SLC12A6: variants seen among roughly 807,000 people sequenced by gnomAD.
SLC12A6 encodes K-Cl cotransporter 3.
Under a neutral mutation model 135.3 loss-of-function variants are expected in SLC12A6, and 66 were observed. The observed-to-expected ratio is 0.49, with a 90% CI of 0.40 to 0.60. The LOEUF is 0.60. Ranked by LOEUF, SLC12A6 falls within the 20% of genes least tolerant of loss-of-function variation. The probability of loss-of-function intolerance (pLI) is 0.00; values close to 1 mark genes in which losing one functional copy is unlikely to be tolerated. For synonymous variants in SLC12A6, 513 were observed against 508.8 expected, an observed-to-expected ratio of 1.01 and a Z score of -0.11; for missense variants, 1,058 against 1,452.3, an observed-to-expected ratio of 0.73 and a Z score of 4.41.
At chr15:34,332,742 C>G (rs1184228941) in intron 2 of SLC12A6, among the ~76,000 whole-genome samples, 1 of 150,740 alleles carries the variant, frequency 6.6e-6, no homozygotes, top group African/African-American at 2.4e-5. Context: ...GAGATAGCGC[C>G]ACTGCACTCC....
In SLC12A6 at chr15:34,230,498, G is replaced by A. The variant is rs1041398130; in HGVS notation, c.*3383C>T. On this transcript the variant is annotated 3_prime_UTR_variant, in exon 26 of 26. Coordinates refer to ENST00000354181, the MANE Select transcript of SLC12A6 (RefSeq NM_001365088.1). ...TGGCACCTGTCAAGCAGATGCTGCA[G>A]TTCAAACTTCAGCTTTTAAGATAGA... 1 of 152,584 alleles carries A rather than the reference G, an allele frequency of 6.6e-6. No individual in the cohort carries two copies. Among genetic ancestry groups the A allele is most frequent in the African/African-American group, 2.4e-5 (1 of 41,402 alleles). 9.5% of individuals were successfully genotyped at this position (152,584 alleles called of 1,614,324 possible).
In SLC12A6 at chr15:34,233,746, C is replaced by T. The variant is rs530201839; in HGVS notation, c.*135G>A. ...TTTTACACAGGTACTTGAGGCTCAG[C>T]TCATCAAGAGTTCAGTATGATGTGT... On this transcript the variant is annotated 3_prime_UTR_variant, in exon 26 of 26. Coordinates refer to ENST00000354181, the MANE Select transcript of SLC12A6 (RefSeq NM_001365088.1). 2.7e-5 allele frequency: 19 copies of T among 704,312 alleles called. No individual in the cohort carries two copies. Among genetic ancestry groups the T allele is most frequent in the South Asian group, 2.5e-4 (17 of 66,810 alleles). 43.6% of individuals were successfully genotyped at this position (704,312 alleles called of 1,614,324 possible).
intron 2 of SLC12A6, among the ~76,000 whole-genome samples, chr15:34,303,366 T>C (rs1181464555): frequency 6.6e-6 from 1 of 152,218 alleles, no homozygotes; most frequent in Non-Finnish European, 1.5e-5. Context: ...TTGTTTTTAG[T>C]GTGTATACTT....
intron 2 of SLC12A6, among the ~76,000 whole-genome samples, chr15:34,330,073 A>G (rs144636408): frequency 6.6e-6 from 1 of 152,288 alleles, no homozygotes; most frequent in African/African-American, 2.4e-5. Context: ...TATTAATATC[A>G]TGTACATGTT....
intron 2 of SLC12A6, among the ~76,000 whole-genome samples, chr15:34,328,864 C>T (rs986913521): frequency 7.9e-5 from 12 of 152,124 alleles, no homozygotes; most frequent in Non-Finnish European, 1.5e-5. Context: ...ACTGCCTACC[C>T]AAGTCCAGCC....
rs1456663968 is a variant in SLC12A6 at position 34,233,537 on chromosome 15, T to C, written c.*344A>G. 3.3e-6 allele frequency: 1 copy of C among 298,772 alleles called. No homozygotes were observed. Among genetic ancestry groups the C allele is most frequent in the Non-Finnish European group, 6.6e-6 (1 of 152,576 alleles). 18.5% of individuals were successfully genotyped at this position (298,772 alleles called of 1,614,324 possible). On this transcript the variant is annotated 3_prime_UTR_variant, in exon 26 of 26. Coordinates refer to ENST00000354181, the MANE Select transcript of SLC12A6 (RefSeq NM_001365088.1). ...TTCATCTTTAATGCTGAATACGTAC[T>C]TGACTTGCTTTTTTTCTTCAGTTGA... is the stretch of plus-strand genomic sequence containing the variant.
At position 34,327,953 on chromosome 15, in the gene SLC12A6, A is replaced by G. The variant is rs551093717; in HGVS notation, c.271+8457T>C. On this transcript the variant is annotated intron_variant, in intron 2 of 25. Transcript: ENST00000354181. ...AAATGGTTATGACTATAAACAGGTG[A>G]ATGTCATCAATTGAGTTTTTTGCTC... Among the ~76,000 whole-genome samples, 8 of 152,340 alleles carry G rather than the reference A, an allele frequency of 5.3e-5. No homozygotes were observed. In the South Asian group the frequency reaches 1.7e-3, roughly 32 times the overall value.
chr15:34,319,750 G>C (rs886299446), intron 2 of SLC12A6, among the ~76,000 whole-genome samples: 6 of 151,472 alleles, frequency 4.0e-5, no homozygotes, highest in Admixed American at 2.6e-4. Context: ...AGTGAGCAGA[G>C]ATTGCGCCAC....
At chr15:34,292,232 AACAG>A (rs1295723969) in intron 2 of SLC12A6, among the ~76,000 whole-genome samples, 3 of 152,250 alleles carry the variant, frequency 2.0e-5, no homozygotes, top group Non-Finnish European at 4.4e-5. Flanking sequence ...TTTTCCTTCT[AACAG>A]ACAGGCCACT....
chr15:34,289,218 C>G (rs1223896148), intron 2 of SLC12A6, among the ~76,000 whole-genome samples: 1 of 152,070 alleles, frequency 6.6e-6, no homozygotes, highest in African/African-American at 2.4e-5. Flanking sequence ...TTGTTGAAGG[C>G]CTTTTCTGCA....
In SLC12A6 at chr15:34,255,289, G is replaced by T; in HGVS notation, c.849C>A (p.Tyr283Ter). ...GAAAGATTTCAATGGCACCAAGGATGTACATGGCTGCTGCAAATGTGGTAC... is the reference window on the plus strand; with the variant it reads ...GAAAGATTTCAATGGCACCAAGGATTTACATGGCTGCTGCAAATGTGGTAC... The part of the protein sequence containing the change: ...YLGTTFAAAM[Y>*]ILGAIEIFLV... The change falls in exon 8 of 26, where the codon TAC (tyrosine) becomes TAA (stop). Residue 283 changes from tyrosine to a stop codon, truncating the protein, a stop_gained. Coordinates refer to ENST00000354181, the MANE Select transcript of SLC12A6 (RefSeq NM_001365088.1). LOFTEE classifies it high-confidence loss of function. 6.2e-7 allele frequency: 1 copy of T among 1,610,130 alleles called. No homozygotes were observed.
chr15:34,254,352 A>G lies in SLC12A6; in HGVS notation c.1114T>C (p.Phe372Leu). Reference protein sequence around the residue: ...AIKSSFAPPHFPVCMLGNRTL... With the variant: ...AIKSSFAPPHLPVCMLGNRTL... ...GGCAGAGAGACAGACACGTACGGGA[A>G]GTGTGGAGGAGCAAAAGAAGACTTG... Residue 372 changes from phenylalanine (F) to leucine (L), a missense_variant, in exon 9 of 26, where the codon TTC becomes CTC. Phe to Leu is a conservative substitution (Grantham distance 22). Transcript: ENST00000354181. 3 of 1,613,198 alleles carry G rather than the reference A, an allele frequency of 1.9e-6. No homozygotes were observed. The highest frequency in any genetic ancestry group is 1.7e-6 in the Non-Finnish European group (2 of 1,179,216).
chr15:34,248,243 C>T (rs1309910614), intron 13 of SLC12A6, among the ~76,000 whole-genome samples: 2 of 151,876 alleles, frequency 1.3e-5, no homozygotes, highest in Non-Finnish European at 2.9e-5. Flanking sequence ...ATTAAGAATA[C>T]TTATGAAGAG....
chr15:34,229,949 T>A lies in SLC12A6; in HGVS notation c.*3932A>T. 1 of 693,986 alleles carries A rather than the reference T, an allele frequency of 1.4e-6. No individual in the cohort carries two copies. The allele number at this position is 693,986 out of a possible 1,614,324, so 43.0% of individuals were successfully genotyped here. ...GGGGTGACAGGTCCTAGAAGGACAA[T>A]GTGCATATTACGACAAACACAAAGA... On this transcript the variant is annotated 3_prime_UTR_variant, in exon 26 of 26. Coordinates refer to ENST00000354181, the MANE Select transcript of SLC12A6 (RefSeq NM_001365088.1).
chr15:34,280,942 C>T (rs1014842144), intron 2 of SLC12A6, among the ~76,000 whole-genome samples: 2 of 151,988 alleles, frequency 1.3e-5, no homozygotes, highest in African/African-American at 2.4e-5. Context: ...GAAAGCTAAA[C>T]ACCACATGTT....
At chr15:34,234,592 G>A (rs938566162) in intron 25 of SLC12A6, among the ~76,000 whole-genome samples, 2 of 151,904 alleles carry the variant, frequency 1.3e-5, no homozygotes, top group African/African-American at 2.4e-5. Context: ...GGCTGGTCTC[G>A]AACTCCTGAC....
At chr15:34,253,942 C>T (rs553244410) in intron 9 of SLC12A6, among the ~76,000 whole-genome samples, 12 of 152,326 alleles carry the variant, frequency 7.9e-5, no homozygotes, top group South Asian at 6.2e-4. Context: ...CTAGGCTGGG[C>T]GCAGTGGCTC....
intron 6 of SLC12A6, among the ~76,000 whole-genome samples, chr15:34,257,009 G>A (rs546457261): frequency 6.6e-6 from 1 of 152,296 alleles, no homozygotes; most frequent in South Asian, 2.1e-4. Context: ...AACTGTGCCT[G>A]CTTAACCTGT....
At chr15:34,263,035 G>A (rs566606616) in intron 3 of SLC12A6, among the ~76,000 whole-genome samples, 4 of 152,240 alleles carry the variant, frequency 2.6e-5, no homozygotes, top group Admixed American at 2.0e-4. Context: ...CTACTTGGGT[G>A]AAAGGATTAC....
Sources: gnomAD v4.1 joint callset for allele counts (sites outside exome capture counted in the v4.1 genomes callset) on GRCh38, gnomAD v4.1.1 for gene constraint, MANE v1.5 for transcripts, NCBI Gene and HGNC (gene_info 2026-07-23, HGNC 2026-07-21) for gene names.